Variants in PLCB1 observed in about 807,000 individuals in gnomAD.
The protein encoded by PLCB1 is 1-phosphatidylinositol 4,5-bisphosphate phosphodiesterase beta-1.
A neutral mutation model predicts 161.8 loss-of-function variants in PLCB1; 46 were observed. The observed-to-expected ratio is 0.28, with a 90% CI of 0.22 to 0.36. PLCB1 has a LOEUF of 0.36. Among genes scored for constraint, PLCB1 ranks in the 10% least tolerant of loss-of-function variants. PLCB1 has a pLI of 1.00. For missense variants in PLCB1, 1,016 were observed against 1,472.5 expected (o/e 0.69, Z 5.07); for synonymous variants, 517 against 503.7 (o/e 1.03, Z -0.35).
intron 3 of PLCB1, among the ~76,000 whole-genome samples, chr20:8,519,402 T>C (rs911080273): frequency 3.9e-5 from 6 of 151,958 alleles, no homozygotes; most frequent in Non-Finnish European, 7.4e-5. Context: ...AGAAGAGTAG[T>C]AGCAAACTAG....
chr20:8,426,971 G>A (rs1416389851), intron 3 of PLCB1, among the ~76,000 whole-genome samples: 1 of 152,142 alleles, frequency 6.6e-6, no homozygotes, highest in East Asian at 1.9e-4. Flanking sequence ...AGGCTGGAGT[G>A]CAGTGTCGTG....
intron 2 of PLCB1, among the ~76,000 whole-genome samples, chr20:8,353,489 T>G (rs555148385): frequency 6.6e-6 from 1 of 152,210 alleles, no homozygotes; most frequent in Non-Finnish European, 1.5e-5. Context: ...GTAATTGTGA[T>G]GCAGAAACTG....
intron 2 of PLCB1, among the ~76,000 whole-genome samples, chr20:8,237,269 A>C (rs1980375689): frequency 1.3e-5 from 2 of 152,092 alleles, no homozygotes. Context: ...CAATAGTGGA[A>C]TCGTAGGCAG....
chr20:8,439,466 A>G (rs1428063376), intron 3 of PLCB1, among the ~76,000 whole-genome samples: 1 of 152,266 alleles, frequency 6.6e-6, no homozygotes, highest in Non-Finnish European at 1.5e-5. Context: ...ACTTAGGTAC[A>G]GAAATACTCA....
intron 3 of PLCB1, among the ~76,000 whole-genome samples, chr20:8,414,845 C>T (rs1365981553): frequency 6.6e-6 from 1 of 152,044 alleles, no homozygotes; most frequent in East Asian, 1.9e-4. Flanking sequence ...AGCACATGTT[C>T]ACAGCTCTAC....
At chr20:8,282,437 A>G (rs1347070530) in intron 2 of PLCB1, among the ~76,000 whole-genome samples, 1 of 152,182 alleles carries the variant, frequency 6.6e-6, no homozygotes, top group Non-Finnish European at 1.5e-5. Flanking sequence ...TGACATTTTA[A>G]ATTTGCATTT....
intron 12 of PLCB1, among the ~76,000 whole-genome samples, chr20:8,712,083 A>G (rs1979048803): frequency 6.6e-6 from 1 of 152,134 alleles, no homozygotes; most frequent in Non-Finnish European, 1.5e-5. Flanking sequence ...CTGGTGGATC[A>G]TGAGGTCAGG....
At chr20:8,669,853 A>T (rs1253779829) in intron 9 of PLCB1, among the ~76,000 whole-genome samples, 11 of 152,220 alleles carry the variant, frequency 7.2e-5, no homozygotes, top group Non-Finnish European at 1.5e-4. Context: ...CATTTATGCT[A>T]GACTATGGAA....
At chr20:8,501,021 C>T (rs1291020705) in intron 3 of PLCB1, among the ~76,000 whole-genome samples, 3 of 152,112 alleles carry the variant, frequency 2.0e-5, no homozygotes, top group South Asian at 2.1e-4. Context: ...TCAGATACCC[C>T]AACAGTTCAT....
chr20:8,276,986 C>CTTCTTCTTA lies in PLCB1; in HGVS notation c.178-94394_178-94393insCTTCTTATT, dbSNP rs869194352. 7.6e-3 allele frequency among the ~76,000 whole-genome samples: 711 copies of CTTCTTCTTA among 93,210 alleles called. 4 individuals carry two copies. The highest frequency in any genetic ancestry group is 0.021 in the East Asian group (59 of 2,870). The allele number at this position is 93,210 out of a possible 152,430, so 61.1% of individuals were successfully genotyped here. On this transcript the variant is annotated intron_variant, in intron 2 of 31. Coordinates refer to ENST00000338037, the MANE Select transcript of PLCB1 (RefSeq NM_015192.4). ...TCTTCTTCTTCTTCTTCTTCTTCTT[C>CTTCTTCTTA]TTATTATTATTATTATTATTATTAT... is the stretch of plus-strand genomic sequence containing the variant.
Position 8,697,474 on chromosome 20 carries a change from T to A in PLCB1, c.1010-152T>A, listed in dbSNP as rs1351108058. The A allele has an allele frequency of 9.8e-6, 7 of 716,232 alleles. No homozygotes were observed. In the East Asian group the frequency reaches 1.8e-4, roughly 18 times the overall value. 44.4% of individuals were successfully genotyped at this position (716,232 alleles called of 1,614,324 possible). On this transcript the variant is annotated intron_variant, in intron 10 of 31. Transcript: ENST00000338037. Reference sequence around the variant, plus strand: ...TTCTATTTGAAATTGAGCCATTACCTTCTGGTATGTTGAGGCAGAAGAAAG... The same window carrying A: ...TTCTATTTGAAATTGAGCCATTACCATCTGGTATGTTGAGGCAGAAGAAAG...
chr20:8,522,649 G>A (rs1984398994), intron 3 of PLCB1, among the ~76,000 whole-genome samples: 1 of 152,118 alleles, frequency 6.6e-6, no homozygotes, highest in Admixed American at 6.6e-5. Context: ...TTTTAAGTAT[G>A]AATAATTGGA....
intron 9 of PLCB1, among the ~76,000 whole-genome samples, chr20:8,684,037 C>T (rs528004391): frequency 3.0e-4 from 45 of 150,998 alleles, no homozygotes; most frequent in African/African-American, 1.1e-3. Flanking sequence ...GCACCCGCCA[C>T]CACACCCGGC....
At chr20:8,154,985 C>T (rs899840269) in intron 2 of PLCB1, among the ~76,000 whole-genome samples, 3 of 152,138 alleles carry the variant, frequency 2.0e-5, no homozygotes, top group Non-Finnish European at 4.4e-5. Context: ...CTTCTCATCA[C>T]CGTTATTAAT....
At position 8,253,096 on chromosome 20, in the gene PLCB1, A is replaced by G. The variant is rs571483788; in HGVS notation, c.177+102725A>G. On this transcript the variant is annotated intron_variant, in intron 2 of 31. Coordinates refer to ENST00000338037, the MANE Select transcript of PLCB1 (RefSeq NM_015192.4). ...CCCTCAGACCTGAGCATTCCAGAAT[A>G]TTCTTACTGGCATCAGCCTGTTGAT... 2.0e-5 allele frequency among the ~76,000 whole-genome samples: 3 copies of G among 152,066 alleles called. No individual in the cohort carries two copies. The East Asian group carries it at 5.9e-4, about 30-fold the overall frequency.
intron 31 of PLCB1, among the ~76,000 whole-genome samples, chr20:8,812,554 T>G (rs1984879529): frequency 6.6e-6 from 1 of 152,162 alleles, no homozygotes; most frequent in Admixed American, 6.5e-5. Context: ...CCGGGGCATC[T>G]CGCCCCAAAT....
At chr20:8,547,717 AG>A (rs1240086817) in intron 3 of PLCB1, among the ~76,000 whole-genome samples, 1 of 152,072 alleles carries the variant, frequency 6.6e-6, no homozygotes, top group Non-Finnish European at 1.5e-5. Flanking sequence ...GCTCCTCTCC[AG>A]TGTTTTCTCC....
Position 8,482,092 on chromosome 20 carries a change from A to ATTTTTTTTTTTT in PLCB1, c.246+110661_246+110672dup, listed in dbSNP as rs199634903. On this transcript the variant is annotated intron_variant, in intron 3 of 31. Coordinates refer to ENST00000338037, the MANE Select transcript of PLCB1 (RefSeq NM_015192.4). ...TTCAATTTATTTTGTGCTTGAAGGAATTTTTTTTTTTTTTTTTTTTTTTTT... is the reference window on the plus strand; with the variant it reads ...TTCAATTTATTTTGTGCTTGAAGGAATTTTTTTTTTTTTTTTTTTTTTTTTTTTTTTTTTTTT... Among the ~76,000 whole-genome samples, 33 of 104,876 alleles carry ATTTTTTTTTTTT rather than the reference A, an allele frequency of 3.1e-4. 3 individuals carry two copies. The highest frequency in any genetic ancestry group is 1.0e-3 in the African/African-American group (24 of 23,640). The allele number at this position is 104,876 out of a possible 152,430, so 68.8% of individuals were successfully genotyped here. A position where few individuals can be genotyped will look rare whatever the true frequency, so the allele number is the denominator to read the frequency against.
intron 23 of PLCB1, among the ~76,000 whole-genome samples, chr20:8,752,662 G>T (rs1192338961): frequency 1.3e-5 from 2 of 151,876 alleles, no homozygotes; most frequent in African/African-American, 4.8e-5. Context: ...GCATGGTGGT[G>T]CATGCCTGTA....
Sources: allele counts gnomAD v4.1 joint callset (sites outside exome capture counted in the v4.1 genomes callset), GRCh38; gene constraint gnomAD v4.1.1; transcripts MANE v1.5; gene names NCBI Gene and HGNC (gene_info 2026-07-23, HGNC 2026-07-21).